The following ERICH1 variants were observed in gnomAD, a reference collection of about 807,000 sequenced individuals.
ERICH1 encodes the protein glutamate rich 1.
In ERICH1, 56 loss-of-function variants were observed where a neutral mutation model predicts 39.6. The ratio of observed to expected loss-of-function variants is 1.41; its 90% CI spans 1.14 to 1.77. The LOEUF is 1.77. ERICH1 is among the 40% of genes most tolerant of loss of function. The pLI, the probability that ERICH1 is intolerant of heterozygous loss-of-function variation, is 0.00. For synonymous variants in ERICH1, 313 were observed against 223.6 expected, an observed-to-expected ratio of 1.40 and a Z score of -3.57; for missense variants, 826 against 575.4, an observed-to-expected ratio of 1.44 and a Z score of -4.45.
intron 2 of ERICH1, among the ~76,000 whole-genome samples, chr8:692,931 A>G (rs1426968297): frequency 6.6e-6 from 1 of 152,252 alleles, no homozygotes; most frequent in African/African-American, 2.4e-5. Context: ...AGTATAAAGC[A>G]GCAAAATATA....
At chr8:689,274 G>A (rs980268565) in intron 3 of ERICH1, among the ~76,000 whole-genome samples, 2 of 152,166 alleles carry the variant, frequency 1.3e-5, no homozygotes, top group African/African-American at 4.8e-5. Context: ...ACCACACCTG[G>A]CTAATTTTTA....
At chr8:700,200 CCG>C (rs1469033744) in intron 2 of ERICH1, among the ~76,000 whole-genome samples, 1 of 117,706 alleles carries the variant, frequency 8.5e-6, no homozygotes, top group Admixed American at 8.4e-5. Flanking sequence ...CGCGCACAGG[CCG>C]GCACAGGCGC....
chr8:669,120 CGTCT>C (rs1802772864), intron 4 of ERICH1: 1 of 218,462 alleles, frequency 4.6e-6, no homozygotes, highest in African/African-American at 3.0e-5. Flanking sequence ...CCCGTCTACA[CGTCT>C]GTCTGGTGAG....
intron 3 of ERICH1, among the ~76,000 whole-genome samples, chr8:686,379 T>C (rs1234868392): frequency 6.6e-6 from 1 of 152,192 alleles, no homozygotes; most frequent in Admixed American, 6.5e-5. Flanking sequence ...ATCGAGTAAC[T>C]ATGTTTTACG....
rs1467295377 is a variant in ERICH1, at chr8:690,919, C to T, written c.304+1559G>A. 3 of 152,272 alleles carry T rather than the reference C, an allele frequency of 2.0e-5. No individual in the cohort carries two copies. In the East Asian group the frequency reaches 5.8e-4, roughly 29 times the overall value. 9.4% of individuals were successfully genotyped at this position (152,272 alleles called of 1,614,324 possible). ...TCACCTCTGTGCTTAAAACTGCAAC[C>T]AAAAAAGCTCAAAGGCTCTTCCTTC... On this transcript the variant is annotated intron_variant, in intron 3 of 5. Transcript: ENST00000262109.
At chr8:708,681 G>GTTTTTTTTTTGTTTTTTTTTTTTTTTTT (rs1563319316) in intron 2 of ERICH1, among the ~76,000 whole-genome samples, 6 of 65,776 alleles carry the variant, frequency 9.1e-5, no homozygotes, top group East Asian at 4.3e-4. Context: ...GGGATAATGA[G>GTTTTTTTTTTGTTTTTTTTTTTTTTTTT]TTTTTTTTTT....
At chr8:625,993 C>T (rs555682242) in intron 3 of ERICH1, 1 of 152,300 alleles carries the variant, frequency 6.6e-6, no homozygotes, top group South Asian at 2.1e-4. Flanking sequence ...TATTTTTATT[C>T]CATTTTCATC....
rs775774192 is a variant in ERICH1 at position 673,733 on chromosome 8, C to G, written c.619G>C (p.Glu207Gln). The stretch of plus-strand genomic sequence containing the variant: ...TCGCTGGTGTCCACACCATCCTCCT[C>G]ACAAGCCTCTCCCACGCCTTCCCCT... The part of the protein sequence containing the change: ...NEGEGVGEAC[E>Q]EDGVDTSEED... Residue 207 changes from glutamate to glutamine, a missense_variant, in exon 4 of 6, where the codon GAG becomes CAG. Coordinates refer to ENST00000262109, the MANE Select transcript of ERICH1 (RefSeq NM_207332.3). 3.1e-6 allele frequency: 5 copies of G among 1,612,684 alleles called. No individual in the cohort carries two copies. The South Asian group carries it at 5.5e-5, about 18-fold the overall frequency.
chr8:640,812 A>C (rs1398953478), intron 3 of ERICH1: 2 of 152,220 alleles, frequency 1.3e-5, no homozygotes, highest in Non-Finnish European at 2.9e-5. Context: ...TTCCAATTTG[A>C]TTTCGACAAG....
chr8:632,326 T>TA lies in ERICH1; in HGVS notation c.977-17043dup, dbSNP rs10667356. 1.9e-3 allele frequency among the ~76,000 whole-genome samples: 283 copies of TA among 149,906 alleles called. 1 individual carries two copies. The highest frequency in any genetic ancestry group is 6.8e-3 in the Middle Eastern group (2 of 292). ...CTTGCTGACAATTTCTAATTAGCAG[T>TA]AAAAAAAAAATAATAATGAATGCCA... is the stretch of plus-strand genomic sequence containing the variant. On this transcript the variant is annotated intron_variant, in intron 3 of 3. Coordinates refer to the ERICH1 transcript ENST00000522706.
At chr8:689,722 C>G (rs368866466) in intron 3 of ERICH1, among the ~76,000 whole-genome samples, 1 of 152,168 alleles carries the variant, frequency 6.6e-6, no homozygotes, top group African/African-American at 2.4e-5. Context: ...GGAAGGTGCC[C>G]AGCGTCCCCA....
Position 699,414 on chromosome 8 carries a change from G to T in ERICH1, c.170-6802C>A, listed in dbSNP as rs537773553. Among the ~76,000 whole-genome samples, 10 of 152,180 alleles carry T rather than the reference G, an allele frequency of 6.6e-5. No individual in the cohort carries two copies. In the South Asian group the frequency reaches 2.1e-3, roughly 32 times the overall value. Reference sequence around the variant, plus strand: ...GTAATTAGATCTGTATCAATGCGAGGCCACAATCACAGCAACTTCAAGTGA... The same window carrying T: ...GTAATTAGATCTGTATCAATGCGAGTCCACAATCACAGCAACTTCAAGTGA... On this transcript the variant is annotated intron_variant, in intron 2 of 5. Coordinates refer to ENST00000262109, the MANE Select transcript of ERICH1 (RefSeq NM_207332.3).
At chr8:677,586 C>T (rs1563240357) in intron 3 of ERICH1, among the ~76,000 whole-genome samples, 1 of 152,184 alleles carries the variant, frequency 6.6e-6, no homozygotes, top group Non-Finnish European at 1.5e-5. Flanking sequence ...CAGCCTGGTC[C>T]AGACGTCTTT....
chr8:676,595 C>T (rs540950666), intron 3 of ERICH1, among the ~76,000 whole-genome samples: 1 of 152,234 alleles, frequency 6.6e-6, no homozygotes, highest in Admixed American at 6.5e-5. Context: ...AAGTAACTGG[C>T]GCCATGCGGG....
intron 3 of ERICH1, among the ~76,000 whole-genome samples, chr8:689,694 C>A (rs1173821755): frequency 6.6e-6 from 1 of 152,206 alleles, no homozygotes; most frequent in Non-Finnish European, 1.5e-5. Context: ...GGCATAGGGA[C>A]ACACTGTCGT....
intron 5 of ERICH1, chr8:666,765 T>C (rs942616602): frequency 3.9e-5 from 6 of 152,434 alleles, no homozygotes; most frequent in African/African-American, 1.4e-4. Flanking sequence ...TCAAACCCTA[T>C]CTTTCTGGGA....
At chr8:641,313 A>G (rs907466351) in intron 3 of ERICH1, 1 of 152,242 alleles carries the variant, frequency 6.6e-6, no homozygotes, top group Non-Finnish European at 1.5e-5. Context: ...TCATACTTTA[A>G]AAAGAAATCA....
At chr8:725,462 A>G (rs2132454113) in intron 1 of ERICH1, 1 of 152,548 alleles carries the variant, frequency 6.6e-6, no homozygotes, top group African/African-American at 2.4e-5. Flanking sequence ...CTCGGTGGCC[A>G]TCCCCATCGA....
At chr8:655,640 G>C (rs759639749) in intron 3 of ERICH1, among the ~76,000 whole-genome samples, 1 of 150,854 alleles carries the variant, frequency 6.6e-6, no homozygotes, top group East Asian at 2.0e-4. Flanking sequence ...CTCCTTATCT[G>C]TATTCATTCT....
Sources: gnomAD v4.1 joint callset for allele counts (sites outside exome capture counted in the v4.1 genomes callset) on GRCh38, gnomAD v4.1.1 for gene constraint, MANE v1.5 for transcripts, NCBI Gene and HGNC (gene_info 2026-07-23, HGNC 2026-07-21) for gene names.